Variants in BTBD7 observed in about 807,000 individuals in gnomAD.
The protein encoded by BTBD7 is BTB domain containing 7, also known as BTB/POZ domain-containing protein 7.
A neutral mutation model predicts 99.9 loss-of-function variants in BTBD7; 38 were observed. That is an observed-to-expected ratio of 0.38 (90% confidence interval 0.29 to 0.50). BTBD7 has a LOEUF of 0.50. Ranked by LOEUF, BTBD7 falls within the 20% of genes least tolerant of loss-of-function variation. BTBD7 has a pLI of 0.93. For synonymous variants in BTBD7, 520 were observed against 511.4 expected (o/e 1.02, Z -0.23); for missense variants, 1,170 against 1,394.6 (o/e 0.84, Z 2.57).
intron 1 of BTBD7, among the ~76,000 whole-genome samples, chr14:93,320,419 C>A (rs1028991556): frequency 3.3e-5 from 5 of 152,182 alleles, no homozygotes; most frequent in African/African-American, 1.2e-4. Flanking sequence ...TCCTCCACAA[C>A]AAAGAATTAC....
intron 1 of BTBD7, among the ~76,000 whole-genome samples, chr14:93,329,187 A>AGC (rs201212607): frequency 2.0e-5 from 3 of 149,778 alleles, no homozygotes. Context: ...ACAACAAAAA[A>AGC]AAATCCTAAT....
At chr14:93,260,816 G>A (rs906619321) in intron 5 of BTBD7, among the ~76,000 whole-genome samples, 4 of 152,100 alleles carry the variant, frequency 2.6e-5, no homozygotes, top group Non-Finnish European at 4.4e-5. Context: ...GCCTCCCAAA[G>A]TGCTGGGATT....
chr14:93,241,317 T>C lies in BTBD7; in HGVS notation c.*956A>G, dbSNP rs1461159082. 6.6e-6 allele frequency: 1 copy of C among 152,288 alleles called. No homozygotes were observed. Among genetic ancestry groups the C allele is most frequent in the East Asian group, 1.9e-4 (1 of 5,192 alleles). The allele number at this position is 152,288 out of a possible 1,614,324, so 9.4% of individuals were successfully genotyped here. ...CACCACCACGCCTGGCTAGATTTTT[T>C]TTTTTTTGTATTTTTTATAGAAATG... On this transcript the variant is annotated 3_prime_UTR_variant, in exon 11 of 11. Coordinates refer to ENST00000334746, the MANE Select transcript of BTBD7 (RefSeq NM_001002860.4).
intron 3 of BTBD7, among the ~76,000 whole-genome samples, chr14:93,269,941 A>T (rs1277725325): frequency 6.6e-6 from 1 of 152,184 alleles, no homozygotes; most frequent in Non-Finnish European, 1.5e-5. Flanking sequence ...GAGAGGCCCC[A>T]GCTGCTGCAA....
intron 1 of BTBD7, among the ~76,000 whole-genome samples, chr14:93,323,179 T>C (rs1228745326): frequency 2.6e-5 from 4 of 151,658 alleles, no homozygotes; most frequent in Admixed American, 1.3e-4. Context: ...CTCAGAAGGC[T>C]TGAGGATCGC....
rs57711099 is a variant in BTBD7, at chr14:93,313,679, T to TACACACACACAC, written c.-106-17534_-106-17523dup. Among the ~76,000 whole-genome samples, 311 of 145,520 alleles carry TACACACACACAC rather than the reference T, an allele frequency of 2.1e-3. 3 individuals carry two copies. Among genetic ancestry groups the TACACACACACAC allele is most frequent in the Middle Eastern group, 0.017 (5 of 290 alleles). The stretch of plus-strand genomic sequence containing the variant: ...TTTTTGACTTATCCTAAAATGAAAC[T>TACACACACACAC]ACACACACACACACACACACACACA... On this transcript the variant is annotated intron_variant, in intron 1 of 10. Transcript: ENST00000334746.
intron 1 of BTBD7, among the ~76,000 whole-genome samples, chr14:93,331,647 G>A (rs1310313820): frequency 1.3e-5 from 2 of 152,216 alleles, no homozygotes; most frequent in African/African-American, 4.8e-5. Flanking sequence ...TCGGAAGGAC[G>A]AGGCGGGCGG....
intron 1 of BTBD7, among the ~76,000 whole-genome samples, chr14:93,326,347 G>A (rs1278384554): frequency 6.6e-6 from 1 of 152,126 alleles, no homozygotes; most frequent in Non-Finnish European, 1.5e-5. Flanking sequence ...CATGCCCATA[G>A]TCCCAGGTGC....
Position 93,297,905 on chromosome 14 carries a change from GA to G in BTBD7, c.-106-1749del, listed in dbSNP as rs1387248013. On this transcript the variant is annotated intron_variant, in intron 1 of 10. Transcript: ENST00000334746. ...AAAAGCCTTTACCAAAATGAGGGGG[GA>G]AAAAGACTTTTAAGATGAGCTTGGA... Among the ~76,000 whole-genome samples, 3 of 152,246 alleles carry G rather than the reference GA, an allele frequency of 2.0e-5. No individual in the cohort carries two copies. In the South Asian group the frequency reaches 6.2e-4, roughly 32 times the overall value.
intron 3 of BTBD7, among the ~76,000 whole-genome samples, chr14:93,275,524 G>A (rs974980734): frequency 4.6e-5 from 7 of 152,172 alleles, no homozygotes; most frequent in Non-Finnish European, 1.0e-4. Context: ...TAGTCTTAAA[G>A]TTGCTTAACA....
chr14:93,294,714 C>T lies in BTBD7; in HGVS notation c.306G>A (p.Val102=). 1 of 1,614,074 alleles carries T rather than the reference C, an allele frequency of 6.2e-7. No homozygotes were observed. Among genetic ancestry groups the T allele is most frequent in the Non-Finnish European group, 8.5e-7 (1 of 1,180,002 alleles). ...ATGCTGATGTTCCCTCATATTCCTC[C>T]ACTAATGCATTGACATCTCTAACAT... is the stretch of plus-strand genomic sequence containing the variant. ...GWDVRDVNAL[V]EEYEGTSALK... Residue 102 remains valine (V), a synonymous_variant, in exon 3 of 11, where the codon GTG becomes GTA. Coordinates refer to ENST00000334746, the MANE Select transcript of BTBD7 (RefSeq NM_001002860.4).
chr14:93,310,496 T>C (rs1285176658), intron 1 of BTBD7, among the ~76,000 whole-genome samples: 1 of 152,180 alleles, frequency 6.6e-6, no homozygotes, highest in Non-Finnish European at 1.5e-5. Flanking sequence ...TACCATGATG[T>C]AGTTTAATAA....
chr14:93,293,992 T>C lies in BTBD7; in HGVS notation c.1028A>G (p.His343Arg), dbSNP rs753988211. Residue 343 changes from histidine (H) to arginine (R), a missense_variant, in exon 3 of 11, where the codon CAC (histidine) becomes CGC (arginine). Physicochemically the swap from His to Arg is conservative, Grantham distance 29. Transcript: ENST00000334746. ...GAGACTCCCCACAGAGGGGCTACAGTGCAAAACAGAGAGGTCCACCACGTC... is the reference window on the plus strand; with the variant it reads ...GAGACTCCCCACAGAGGGGCTACAGCGCAAAACAGAGAGGTCCACCACGTC... Reference protein sequence around the residue: ...YTDVVDLSVLHCSPSVGSLSE... With the variant: ...YTDVVDLSVLRCSPSVGSLSE... 2 of 1,613,820 alleles carry C rather than the reference T, an allele frequency of 1.2e-6. No individual in the cohort carries two copies. The highest frequency in any genetic ancestry group is 1.7e-6 in the Non-Finnish European group (2 of 1,179,854).
At chr14:93,288,644 T>G (rs770533467) in intron 3 of BTBD7, 1 of 1,296,458 alleles carries the variant, frequency 7.7e-7, no homozygotes, top group Non-Finnish European at 1.1e-6. Context: ...TATTTAAGAT[T>G]GAGGCAGTAA....
In BTBD7 at chr14:93,241,557, G is replaced by A. The variant is rs1216766485; in HGVS notation, c.*716C>T. The A allele has an allele frequency of 6.6e-6, 1 of 152,352 alleles. No individual in the cohort carries two copies. The highest frequency in any genetic ancestry group is 1.5e-5 in the Non-Finnish European group (1 of 68,220). The allele number at this position is 152,352 out of a possible 1,614,324, so 9.4% of individuals were successfully genotyped here. A position where few individuals can be genotyped will look rare whatever the true frequency, so the allele number is the denominator to read the frequency against. On this transcript the variant is annotated 3_prime_UTR_variant, in exon 11 of 11. Transcript: ENST00000334746. ...GGGATTCTGACTGCATCCACACTGT[G>A]GAAATGTAACAGCTTTAGCCTGGGC...
intron 1 of BTBD7, among the ~76,000 whole-genome samples, chr14:93,329,280 C>G (rs1029762056): frequency 1.3e-5 from 2 of 151,740 alleles, no homozygotes; most frequent in Non-Finnish European, 2.9e-5. Context: ...TTAACATCAC[C>G]AATCATTTTT....
intron 4 of BTBD7, 57 bp from the exon 5 acceptor site, chr14:93,261,734 C>A: frequency 7.7e-7 from 1 of 1,297,326 alleles, no homozygotes; most frequent in Non-Finnish European, 1.1e-6. Context: ...TGGTTAATTT[C>A]ATTAAGGACT....
intron 1 of BTBD7, among the ~76,000 whole-genome samples, chr14:93,308,616 T>C (rs1452360130): frequency 2.0e-5 from 3 of 152,126 alleles, no homozygotes; most frequent in Admixed American, 6.5e-5. Context: ...TGTCCACAGA[T>C]AGATGAATGG....
intron 3 of BTBD7, chr14:93,287,997 A>G (rs1481314070): frequency 6.5e-6 from 1 of 153,026 alleles, no homozygotes. Context: ...TTTTGTGTTT[A>G]AAATAATTTT....
Sources: allele counts gnomAD v4.1 joint callset (sites outside exome capture counted in the v4.1 genomes callset), GRCh38; gene constraint gnomAD v4.1.1; transcripts MANE v1.5; gene names NCBI Gene and HGNC (gene_info 2026-07-23, HGNC 2026-07-21).